HPSE2: variants seen among roughly 807,000 people sequenced by gnomAD.
HPSE2 encodes the protein heparanase 2 (inactive).
HPSE2 carries 38 observed loss-of-function variants against 60.5 expected under a neutral mutation model. The ratio of observed to expected loss-of-function variants is 0.63; its 90% CI spans 0.48 to 0.82. The LOEUF (loss-of-function observed/expected upper bound fraction) is 0.82, where lower values mean the gene tolerates loss of function less well. Ranked by LOEUF, HPSE2 falls within the 40% of genes least tolerant of loss-of-function variation. The pLI is 0.00. For synonymous variants in HPSE2, 295 were observed against 293.2 expected, an observed-to-expected ratio of 1.01 and a Z score of -0.06; for missense variants, 713 against 740.4, an observed-to-expected ratio of 0.96 and a Z score of 0.43.
intron 3 of HPSE2, among the ~76,000 whole-genome samples, chr10:99,043,883 C>G (rs1957798327): frequency 6.6e-6 from 1 of 152,086 alleles, no homozygotes; most frequent in African/African-American, 2.4e-5. Context: ...GAGACCAAAT[C>G]TATGATTCAC....
At chr10:99,028,403 A>T (rs1450357098) in intron 3 of HPSE2, among the ~76,000 whole-genome samples, 1 of 152,212 alleles carries the variant, frequency 6.6e-6, no homozygotes, top group Non-Finnish European at 1.5e-5. Flanking sequence ...CAATAGCCAC[A>T]AATAAATACC....
intron 6 of HPSE2, among the ~76,000 whole-genome samples, chr10:98,659,051 C>T (rs1054139084): frequency 1.3e-5 from 2 of 151,920 alleles, no homozygotes; most frequent in Non-Finnish European, 2.9e-5. Context: ...TTTTCATTAC[C>T]CTAAAAGGAA....
rs186628803 is a variant in HPSE2, at chr10:98,841,966, C to G, written c.611-97910G>C. ...GGACTACAGGCGTGTGCCACCACGCCCAGCTAAGTTTTGTATTTTTTAGTA... is the reference window on the plus strand; with the variant it reads ...GGACTACAGGCGTGTGCCACCACGCGCAGCTAAGTTTTGTATTTTTTAGTA... On this transcript the variant is annotated intron_variant, in intron 3 of 11. Transcript: ENST00000370552. Among the ~76,000 whole-genome samples, 260 of 152,140 alleles carry G rather than the reference C, an allele frequency of 1.7e-3. 2 individuals are homozygous for G. The highest frequency in any genetic ancestry group is 5.8e-3 in the African/African-American group (242 of 41,512).
At chr10:98,542,370 G>T (rs570743514) in intron 9 of HPSE2, among the ~76,000 whole-genome samples, 1 of 152,242 alleles carries the variant, frequency 6.6e-6, no homozygotes, top group South Asian at 2.1e-4. Flanking sequence ...AAACCACAAA[G>T]ATGGGGAAAA....
intron 9 of HPSE2, among the ~76,000 whole-genome samples, chr10:98,566,563 A>C (rs1564973724): frequency 6.6e-6 from 1 of 152,174 alleles, no homozygotes; most frequent in Non-Finnish European, 1.5e-5. Context: ...TGGCTTTTTA[A>C]AAGTCAAATT....
At chr10:98,776,961 G>A (rs929275690) in intron 3 of HPSE2, among the ~76,000 whole-genome samples, 1 of 152,108 alleles carries the variant, frequency 6.6e-6, no homozygotes, top group African/African-American at 2.4e-5. Context: ...TCTTACATAG[G>A]TGATAGAGAG....
At chr10:98,985,365 C>A (rs2135316370) in intron 3 of HPSE2, among the ~76,000 whole-genome samples, 1 of 152,300 alleles carries the variant, frequency 6.6e-6, no homozygotes, top group African/African-American at 2.4e-5. Flanking sequence ...GAATTTTTAA[C>A]CAAGAATTTC....
At chr10:98,853,097 G>C (rs1315982514) in intron 3 of HPSE2, among the ~76,000 whole-genome samples, 1 of 152,154 alleles carries the variant, frequency 6.6e-6, no homozygotes, top group Non-Finnish European at 1.5e-5. Context: ...ATGTCACAGA[G>C]ACATTTTCAT....
the HPSE2 span, among the ~76,000 whole-genome samples, chr10:99,251,091 T>C: frequency 2.0e-4 from 31 of 152,262 alleles, no homozygotes; most frequent in Non-Finnish European, 4.4e-4. Context: ...TCAAGATCAA[T>C]AGACTGCTAG....
At chr10:98,806,050 G>C (rs572079701) in intron 3 of HPSE2, among the ~76,000 whole-genome samples, 1 of 152,172 alleles carries the variant, frequency 6.6e-6, no homozygotes, top group Admixed American at 6.5e-5. Context: ...GGCTTTCAGT[G>C]CATGGACTAT....
At chr10:98,646,907 C>A (rs1280436608) in intron 6 of HPSE2, among the ~76,000 whole-genome samples, 1 of 152,198 alleles carries the variant, frequency 6.6e-6, no homozygotes, top group Non-Finnish European at 1.5e-5. Context: ...CTCATTGCAA[C>A]ATTTTGCTGC....
At chr10:98,754,901 C>G (rs890117255) in intron 3 of HPSE2, among the ~76,000 whole-genome samples, 2 of 151,568 alleles carry the variant, frequency 1.3e-5, no homozygotes, top group African/African-American at 4.8e-5. Flanking sequence ...AACATGAAAA[C>G]AAAAGACTGT....
intron 3 of HPSE2, among the ~76,000 whole-genome samples, chr10:98,903,939 TTAG>T (rs1953737549): frequency 6.6e-6 from 1 of 152,264 alleles, no homozygotes; most frequent in South Asian, 2.1e-4. Context: ...TGAAATAGGC[TTAG>T]TAGTTTTATA....
chr10:98,857,047 T>C (rs1350800504), intron 3 of HPSE2, among the ~76,000 whole-genome samples: 1 of 152,174 alleles, frequency 6.6e-6, no homozygotes, highest in Non-Finnish European at 1.5e-5. Flanking sequence ...CAGGTCCATG[T>C]CCATCAAGTC....
chr10:98,940,204 C>T (rs35461703), intron 3 of HPSE2, among the ~76,000 whole-genome samples: 78,542 of 141,878 alleles, frequency 0.55, 26,670 homozygotes, highest in East Asian at 0.68. Context: ...CATTCAAAAG[C>T]TAGTAGAAGG....
chr10:99,011,435 T>G (rs993364166), intron 3 of HPSE2, among the ~76,000 whole-genome samples: 2 of 152,078 alleles, frequency 1.3e-5, no homozygotes, highest in East Asian at 3.9e-4. Flanking sequence ...ACGTATCAGT[T>G]TGGATTAACC....
intron 2 of HPSE2, among the ~76,000 whole-genome samples, chr10:99,216,012 T>C (rs893550481): frequency 6.6e-6 from 1 of 152,184 alleles, no homozygotes; most frequent in African/African-American, 2.4e-5. Flanking sequence ...AAATGTAGTC[T>C]GATAATGTTG....
chr10:98,952,931 G>T (rs780649822), intron 3 of HPSE2, among the ~76,000 whole-genome samples: 4 of 151,990 alleles, frequency 2.6e-5, no homozygotes, highest in Non-Finnish European at 4.4e-5. Context: ...TGGGAGTTAG[G>T]GCTTCAATAT....
At chr10:98,912,776 G>T (rs1031935293) in intron 3 of HPSE2, among the ~76,000 whole-genome samples, 1 of 152,220 alleles carries the variant, frequency 6.6e-6, no homozygotes, top group South Asian at 2.1e-4. Context: ...ATTACCAGAG[G>T]CTAGGAAGAA....
Sources: allele counts gnomAD v4.1 joint callset (sites outside exome capture counted in the v4.1 genomes callset), GRCh38; gene constraint gnomAD v4.1.1; transcripts MANE v1.5; gene names NCBI Gene and HGNC (gene_info 2026-07-23, HGNC 2026-07-21).